SMCO2: variants seen among roughly 807,000 people sequenced by gnomAD.
The protein encoded by SMCO2 is single-pass membrane protein with coiled-coil domains 2.
SMCO2 carries 25 observed loss-of-function variants against 29.5 expected under a neutral mutation model. The ratio of observed to expected loss-of-function variants is 0.85; its 90% confidence interval spans 0.62 to 1.18. The LOEUF is 1.18. Ranked by LOEUF, SMCO2 falls within the 50% of genes most tolerant of loss-of-function variation. SMCO2 has a pLI of 0.00. For synonymous variants in SMCO2, 117 were observed against 123.3 expected, an observed-to-expected ratio of 0.95 and a Z score of 0.34; for missense variants, 348 against 344.5, an observed-to-expected ratio of 1.01 and a Z score of -0.08.
chr12:27,445,576 A>T, the SMCO2 span, among the ~76,000 whole-genome samples: 1 of 152,212 alleles, frequency 6.6e-6, no homozygotes, highest in Non-Finnish European at 1.5e-5. Context: ...CTTGCAACGT[A>T]AACTATATAA....
At chr12:27,482,932 G>A (rs931126556) in intron 4 of SMCO2, among the ~76,000 whole-genome samples, 2 of 152,094 alleles carry the variant, frequency 1.3e-5, no homozygotes, top group Non-Finnish European at 2.9e-5. Context: ...TCGCCATGTG[G>A]CCCAGGCTAG....
chr12:27,490,664 T>A (rs1949727793), intron 5 of SMCO2, among the ~76,000 whole-genome samples: 1 of 152,208 alleles, frequency 6.6e-6, no homozygotes, highest in South Asian at 2.1e-4. Context: ...ATGTGGTGAC[T>A]CACACCTGTA....
chr12:27,498,394 G>A, intron 7 of SMCO2: 1 of 216,080 alleles, frequency 4.6e-6, no homozygotes, highest in Non-Finnish European at 9.7e-6. Context: ...ACTTACTTCT[G>A]GTTCTTGTGG....
At chr12:27,442,634 G>T in the SMCO2 span, among the ~76,000 whole-genome samples, 1 of 152,098 alleles carries the variant, frequency 6.6e-6, no homozygotes, top group South Asian at 2.1e-4. Context: ...TTGAGATAGG[G>T]TCTCACTTTG....
chr12:27,484,292 T>C (rs1949669253), intron 4 of SMCO2, among the ~76,000 whole-genome samples: 2 of 152,002 alleles, frequency 1.3e-5, no homozygotes, highest in African/African-American at 4.8e-5. Flanking sequence ...GGCAGGAAGA[T>C]TGCTTGAACC....
chr12:27,498,604 T>A, intron 7 of SMCO2: 1 of 210,494 alleles, frequency 4.8e-6, no homozygotes, highest in Non-Finnish European at 1.0e-5. Context: ...CCTGCTTAGG[T>A]TTGAACACTG....
At chr12:27,461,716 A>G in the SMCO2 span, among the ~76,000 whole-genome samples, 3 of 152,256 alleles carry the variant, frequency 2.0e-5, no homozygotes, top group African/African-American at 7.2e-5. Context: ...ACGATTTGTC[A>G]GACAAACTTT....
At chr12:27,472,923 G>T (rs769669796) in intron 3 of SMCO2, 48 bp downstream of exon 3, 3 of 1,361,064 alleles carry the variant, frequency 2.2e-6, no homozygotes, top group Non-Finnish European at 3.1e-6. Flanking sequence ...GACACAGTAG[G>T]TTGAAGAGAA....
At chr12:27,479,055 G>A (rs1436254011) in intron 4 of SMCO2, among the ~76,000 whole-genome samples, 1 of 152,190 alleles carries the variant, frequency 6.6e-6, no homozygotes, top group Non-Finnish European at 1.5e-5. Flanking sequence ...CTGTTGTCAG[G>A]CCCCTTGATA....
rs940734661 is a variant in SMCO2 at position 27,474,579 on chromosome 12, A to G, written c.235-207A>G. On this transcript the variant is annotated intron_variant, in intron 3 of 7. Coordinates refer to ENST00000298876, the Ensembl canonical transcript of SMCO2. ...AAAAGAGCTCTCCGTGTGGACACTG[A>G]TTCTCTCCATGCCCCTGCCTCAGCT... is the stretch of plus-strand genomic sequence containing the variant. Among the ~76,000 whole-genome samples the G allele has an allele frequency of 2.6e-5, 4 of 152,124 alleles. No homozygotes were observed. The South Asian group carries it at 8.3e-4, about 32-fold the overall frequency.
upstream of SMCO2, among the ~76,000 whole-genome samples, chr12:27,464,473 C>A (rs1592200393): frequency 6.6e-6 from 1 of 152,036 alleles, no homozygotes; most frequent in South Asian, 2.1e-4. Flanking sequence ...CTTTGGGAGG[C>A]TGAGGCAGGA....
chr12:27,475,705 A>T (rs1392453785), intron 4 of SMCO2: 1 of 1,549,084 alleles, frequency 6.5e-7, no homozygotes, highest in South Asian at 1.2e-5. Flanking sequence ...TTAAAAAAAT[A>T]AATGTAACAG....
rs796879775 is a variant in SMCO2 at position 27,500,443 on chromosome 12, A to T, written c.684-1480A>T. Among the ~76,000 whole-genome samples the T allele has an allele frequency of 2.7e-5, 4 of 150,890 alleles. 1 individual carries two copies. Among genetic ancestry groups the T allele is most frequent in the African/African-American group, 9.9e-5 (4 of 40,466 alleles). On this transcript the variant is annotated intron_variant, in intron 7 of 7. Coordinates refer to ENST00000298876, the Ensembl canonical transcript of SMCO2. ...AAAAAGATAAAAAATGTGTCTGGTT[A>T]TATTTGGGTGATGAGATTATAGTTT... is the stretch of plus-strand genomic sequence containing the variant.
the SMCO2 span, among the ~76,000 whole-genome samples, chr12:27,448,884 T>A: frequency 1.3e-5 from 2 of 152,128 alleles, no homozygotes; most frequent in Non-Finnish European, 2.9e-5. Context: ...GTCTACCAGT[T>A]GACCAAATAA....
At chr12:27,480,968 C>T (rs573001371) in intron 4 of SMCO2, among the ~76,000 whole-genome samples, 5 of 152,162 alleles carry the variant, frequency 3.3e-5, no homozygotes, top group Non-Finnish European at 7.4e-5. Context: ...GAAGCCCAAA[C>T]TTTGGCTCCC....
At chr12:27,425,055 G>A in the SMCO2 span, 5 of 152,240 alleles carry the variant, frequency 3.3e-5, no homozygotes, top group South Asian at 4.2e-4. Context: ...TGCCCAGCAC[G>A]GAACATGCTT....
At position 27,498,807 on chromosome 12, in the gene SMCO2, G is replaced by T. The variant is rs1943042491; in HGVS notation, c.683+2952G>T. Among the ~76,000 whole-genome samples, 2 of 150,100 alleles carry T rather than the reference G, an allele frequency of 1.3e-5. 1 individual carries two copies. Among genetic ancestry groups the T allele is most frequent in the African/African-American group, 5.0e-5 (2 of 39,914 alleles). On this transcript the variant is annotated intron_variant, in intron 7 of 7. Transcript: ENST00000298876. ...TTTCTTCAAAGAAGACACACAAACG[G>T]TCAACAAGCACATGAAAAGATGTTC...
intron 7 of SMCO2, chr12:27,497,578 C>CA (rs370625632): frequency 8.8e-4 from 125 of 142,566 alleles, no homozygotes; most frequent in South Asian, 2.6e-3. Context: ...CTTGTATCTA[C>CA]AAAAAAAAAA....
At chr12:27,447,997 G>A in the SMCO2 span, among the ~76,000 whole-genome samples, 1 of 152,142 alleles carries the variant, frequency 6.6e-6, no homozygotes, top group Admixed American at 6.5e-5. Flanking sequence ...AAGCTCCGCA[G>A]GGACAGGAAC....
Sources: allele counts gnomAD v4.1 joint callset (sites outside exome capture counted in the v4.1 genomes callset), GRCh38; gene constraint gnomAD v4.1.1; transcripts MANE v1.5; gene names NCBI Gene and HGNC (gene_info 2026-07-23, HGNC 2026-07-21).